Variants in TLCD4 observed in about 807,000 individuals in gnomAD.
TLCD4 encodes the protein TLC domain containing 4.
Under a neutral mutation model 24.2 loss-of-function variants are expected in TLCD4, and 7 were observed. That is an observed-to-expected ratio of 0.29 (90% CI 0.16 to 0.54). The LOEUF (loss-of-function observed/expected upper bound fraction) is 0.54, where lower values mean the gene tolerates loss of function less well. Among genes scored for constraint, TLCD4 ranks in the 20% least tolerant of loss-of-function variants. The pLI, the probability that TLCD4 is intolerant of heterozygous loss-of-function variation, is 0.95. For missense variants in TLCD4, 259 were observed against 313.9 expected (o/e 0.82, Z 1.32); for synonymous variants, 103 against 106.4 (o/e 0.97, Z 0.20).
In TLCD4 at chr1:95,128,052, C is replaced by T. The variant is rs138400601; in HGVS notation, c.-12+10435C>T. ...CTGGGAAATGGAGGTTGTAGTGAGC[C>T]GAGATGGTGCCACTTTCTAGCCTGG... On this transcript the variant is annotated intron_variant, in intron 1 of 6. Coordinates refer to ENST00000370203, the MANE Select transcript of TLCD4 (RefSeq NM_152487.3). Among the ~76,000 whole-genome samples the T allele has an allele frequency of 4.8e-3, 723 of 152,140 alleles. 1 individual carries two copies. The highest frequency in any genetic ancestry group is 0.017 in the African/African-American group (705 of 41,498).
At chr1:95,101,733 TAAAGTACCTGTAC>T in the TLCD4 span, among the ~76,000 whole-genome samples, 1 of 152,094 alleles carries the variant, frequency 6.6e-6, no homozygotes, top group East Asian at 1.9e-4. Context: ...GTAGGAGAAA[TAAAGTACCTGTAC>T]AAAGCAAGAT....
chr1:95,173,785 C>T, intron 5 of TLCD4, 31 bp from the exon 6 acceptor site: 1 of 1,613,208 alleles, frequency 6.2e-7, no homozygotes, highest in Non-Finnish European at 8.5e-7. Flanking sequence ...GAATGTTATC[C>T]TTGACGTTGT....
intron 1 of TLCD4, among the ~76,000 whole-genome samples, chr1:95,133,615 G>A (rs964003888): frequency 4.6e-5 from 7 of 152,160 alleles, no homozygotes; most frequent in African/African-American, 1.4e-4. Flanking sequence ...TGTGAAGTAG[G>A]ATGGGGGTCA....
the TLCD4 span, among the ~76,000 whole-genome samples, chr1:95,094,031 AT>A: frequency 5.3e-5 from 8 of 152,240 alleles, no homozygotes; most frequent in African/African-American, 1.9e-4. Context: ...AAAAAAATGC[AT>A]AAAAAATAAT....
At chr1:95,170,676 T>C (rs1571768144) in intron 5 of TLCD4, among the ~76,000 whole-genome samples, 1 of 152,206 alleles carries the variant, frequency 6.6e-6, no homozygotes, top group South Asian at 2.1e-4. Context: ...CTGGCTCAAG[T>C]AGGAATCTCA....
chr1:95,154,489 T>C (rs1459193283), intron 5 of TLCD4, among the ~76,000 whole-genome samples: 1 of 152,156 alleles, frequency 6.6e-6, no homozygotes, highest in Non-Finnish European at 1.5e-5. Context: ...GCACAGCTCA[T>C]TGGAGAAGGT....
chr1:95,117,914 C>T (rs1676473249), intron 1 of TLCD4: 1 of 151,756 alleles, frequency 6.6e-6, no homozygotes, highest in African/African-American at 2.4e-5. Flanking sequence ...CCCGCGGCCC[C>T]CGCGCCGCCC....
intron 2 of TLCD4, among the ~76,000 whole-genome samples, chr1:95,148,159 T>C (rs1677399462): frequency 6.6e-6 from 1 of 152,208 alleles, no homozygotes; most frequent in Non-Finnish European, 1.5e-5. Context: ...AAGAATCAAG[T>C]GCAATAGTGC....
chr1:95,159,519 A>G (rs1409126122), intron 5 of TLCD4, among the ~76,000 whole-genome samples: 1 of 152,066 alleles, frequency 6.6e-6, no homozygotes, highest in Non-Finnish European at 1.5e-5. Context: ...ATTAGATCGC[A>G]TTTGTCACTT....
At chr1:95,122,103 C>T (rs1340825299) in intron 1 of TLCD4, among the ~76,000 whole-genome samples, 1 of 152,206 alleles carries the variant, frequency 6.6e-6, no homozygotes, top group Admixed American at 6.5e-5. Context: ...GTGGCTCACG[C>T]CTATAATCCC....
intron 5 of TLCD4, among the ~76,000 whole-genome samples, chr1:95,158,571 CA>C (rs1464361171): frequency 6.6e-6 from 1 of 151,908 alleles, no homozygotes; most frequent in Non-Finnish European, 1.5e-5. Flanking sequence ...AGGTTTGTTA[CA>C]TATGTATACA....
the TLCD4 span, among the ~76,000 whole-genome samples, chr1:95,107,351 A>T: frequency 6.6e-6 from 1 of 152,174 alleles, no homozygotes; most frequent in Non-Finnish European, 1.5e-5. Context: ...TGAACCCAGG[A>T]GGCGAAGCTT....
intron 1 of TLCD4, 131 bp downstream of exon 1, chr1:95,117,748 C>T (rs936708958): frequency 6.6e-6 from 1 of 151,246 alleles, no homozygotes; most frequent in African/African-American, 2.4e-5. Context: ...CTAGCGCGGC[C>T]GAGAGCTCCT....
At chr1:95,097,442 A>G in the TLCD4 span, among the ~76,000 whole-genome samples, 1 of 152,216 alleles carries the variant, frequency 6.6e-6, no homozygotes, top group Admixed American at 6.5e-5. Context: ...AGAAATGGTT[A>G]AACTTCACTC....
the TLCD4 span, among the ~76,000 whole-genome samples, chr1:95,104,092 G>A: frequency 6.6e-6 from 1 of 152,180 alleles, no homozygotes; most frequent in African/African-American, 2.4e-5. Context: ...TCACTTGGCT[G>A]TATTTTATTA....
intron 1 of TLCD4, among the ~76,000 whole-genome samples, chr1:95,136,679 G>A (rs1027536405): frequency 1.3e-5 from 2 of 152,064 alleles, no homozygotes; most frequent in East Asian, 3.8e-4. Context: ...ACTTTTTTTG[G>A]TATTTTTCAT....
upstream of TLCD4, among the ~76,000 whole-genome samples, chr1:95,113,314 G>A (rs553698370): frequency 3.3e-5 from 5 of 152,274 alleles, no homozygotes; most frequent in East Asian, 9.6e-4. Context: ...CCAAAGTGCT[G>A]GGATTACAGG....
At chr1:95,136,725 G>T (rs762338918) in intron 1 of TLCD4, among the ~76,000 whole-genome samples, 1 of 152,288 alleles carries the variant, frequency 6.6e-6, no homozygotes. Flanking sequence ...ACTTTGCTGG[G>T]ATCAAGGTAT....
At chr1:95,162,443 G>C (rs1409123945) in intron 5 of TLCD4, among the ~76,000 whole-genome samples, 1 of 151,002 alleles carries the variant, frequency 6.6e-6, no homozygotes, top group African/African-American at 2.4e-5. Flanking sequence ...GATGGGACTT[G>C]ACTCTTTATC....
Sources: allele counts gnomAD v4.1 joint callset (sites outside exome capture counted in the v4.1 genomes callset), GRCh38; gene constraint gnomAD v4.1.1; transcripts MANE v1.5; gene names NCBI Gene and HGNC (gene_info 2026-07-23, HGNC 2026-07-21).